TAFA1: variants seen among roughly 807,000 people sequenced by gnomAD.
TAFA1 encodes TAFA chemokine like family member 1, also known as chemokine-like protein TAFA-1.
A neutral mutation model predicts 18.5 loss-of-function variants in TAFA1; 4 were observed. The ratio of observed to expected loss-of-function variants is 0.22; its 90% CI spans 0.11 to 0.49. TAFA1 has a LOEUF of 0.49. Among genes scored for constraint, TAFA1 ranks in the 20% least tolerant of loss-of-function variants. The pLI is 0.98. For missense variants in TAFA1, 147 were observed against 169.0 expected, an observed-to-expected ratio of 0.87 and a Z score of 0.72; for synonymous variants, 56 against 55.2, an observed-to-expected ratio of 1.01 and a Z score of -0.06.
chr3:68,415,798 A>T (rs2070823914), intron 2 of TAFA1, among the ~76,000 whole-genome samples: 1 of 152,152 alleles, frequency 6.6e-6, no homozygotes, highest in Non-Finnish European at 1.5e-5. Context: ...CAGATGAGGA[A>T]ACTAAGGCAT....
At chr3:68,397,315 C>T (rs1178356538) in intron 2 of TAFA1, among the ~76,000 whole-genome samples, 1 of 152,092 alleles carries the variant, frequency 6.6e-6, no homozygotes, top group Non-Finnish European at 1.5e-5. Flanking sequence ...TCCCCTTGCC[C>T]CCTACCCGCC....
At chr3:68,457,541 GC>G in intron 3 of TAFA1, among the ~76,000 whole-genome samples, 1 of 152,112 alleles carries the variant, frequency 6.6e-6, no homozygotes. Flanking sequence ...TTGCTCAAGG[GC>G]CAACTGTATA....
chr3:68,398,103 G>GT (rs2070419225), intron 2 of TAFA1, among the ~76,000 whole-genome samples: 1 of 152,014 alleles, frequency 6.6e-6, no homozygotes, highest in Admixed American at 6.6e-5. Context: ...AAAAGAGCCC[G>GT]TATAGCCAAG....
intron 3 of TAFA1, among the ~76,000 whole-genome samples, chr3:68,457,558 TACA>T (rs1488876320): frequency 1.3e-5 from 2 of 152,108 alleles, no homozygotes; most frequent in African/African-American, 2.4e-5. Context: ...GTATATCAAC[TACA>T]ACATGTTGTT....
chr3:68,254,608 G>A (rs1376684285), intron 2 of TAFA1, among the ~76,000 whole-genome samples: 11 of 152,018 alleles, frequency 7.2e-5, no homozygotes, highest in African/African-American at 2.7e-4. Context: ...AAGACATGCT[G>A]TGATGCCAAG....
intron 2 of TAFA1, among the ~76,000 whole-genome samples, chr3:68,310,254 A>T (rs1040834470): frequency 2.0e-5 from 3 of 152,190 alleles, no homozygotes; most frequent in Non-Finnish European, 4.4e-5. Flanking sequence ...TCTAGTAGGA[A>T]TGGAGATCTT....
At position 68,507,392 on chromosome 3, in the gene TAFA1, G is replaced by GA. The variant is rs1158281390; in HGVS notation, c.260-31358dup. On this transcript the variant is annotated intron_variant, in intron 3 of 4. Coordinates refer to ENST00000478136, the MANE Select transcript of TAFA1 (RefSeq NM_213609.4). ...TATTAAAATATTATTTATTTATATG[G>GA]AAAAAATGAAATATATTATTATGCT... Among the ~76,000 whole-genome samples, 23 of 151,986 alleles carry GA rather than the reference G, an allele frequency of 1.5e-4. 1 individual carries two copies. The South Asian group carries it at 4.4e-3, about 29-fold the overall frequency.
At chr3:68,185,510 A>G (rs757028422) in intron 2 of TAFA1, among the ~76,000 whole-genome samples, 13 of 152,146 alleles carry the variant, frequency 8.5e-5, no homozygotes, top group Non-Finnish European at 1.9e-4. Context: ...TTGTTGCATT[A>G]AATCTATTCA....
intron 2 of TAFA1, among the ~76,000 whole-genome samples, chr3:68,312,096 C>G (rs2068531231): frequency 6.6e-6 from 1 of 152,208 alleles, no homozygotes; most frequent in Non-Finnish European, 1.5e-5. Flanking sequence ...ACGTTGACCC[C>G]TTTCAGCCAT....
At chr3:68,252,403 A>T (rs1391509120) in intron 2 of TAFA1, among the ~76,000 whole-genome samples, 1 of 152,088 alleles carries the variant, frequency 6.6e-6, no homozygotes, top group Non-Finnish European at 1.5e-5. Context: ...TGCTATTCTT[A>T]AAAAAATTAC....
At chr3:68,433,084 C>T (rs1335237947) in intron 3 of TAFA1, among the ~76,000 whole-genome samples, 3 of 152,070 alleles carry the variant, frequency 2.0e-5, no homozygotes, top group South Asian at 4.1e-4. Context: ...CTCAAAGACA[C>T]CTCAAATTCA....
intron 2 of TAFA1, among the ~76,000 whole-genome samples, chr3:68,395,730 C>G (rs1001885496): frequency 6.6e-6 from 1 of 152,148 alleles, no homozygotes; most frequent in Non-Finnish European, 1.5e-5. Flanking sequence ...ACTGCATATT[C>G]TCACTCATAA....
intron 2 of TAFA1, among the ~76,000 whole-genome samples, chr3:68,215,021 A>G (rs1487267750): frequency 1.3e-5 from 2 of 152,022 alleles, no homozygotes; most frequent in Non-Finnish European, 2.9e-5. Context: ...GCATTATTTA[A>G]TCATATCAAT....
intron 2 of TAFA1, among the ~76,000 whole-genome samples, chr3:68,054,658 A>G (rs928382105): frequency 6.6e-6 from 1 of 152,188 alleles, no homozygotes; most frequent in African/African-American, 2.4e-5. Flanking sequence ...TCACACTACA[A>G]CAGCAGAGGT....
chr3:68,138,205 T>C (rs531638636), intron 2 of TAFA1, among the ~76,000 whole-genome samples: 2 of 152,238 alleles, frequency 1.3e-5, no homozygotes, highest in South Asian at 2.1e-4. Flanking sequence ...CTCTCTGGAG[T>C]TGAGCAGAGC....
intron 2 of TAFA1, among the ~76,000 whole-genome samples, chr3:68,313,114 G>T (rs1464367464): frequency 6.6e-6 from 1 of 152,100 alleles, no homozygotes; most frequent in Non-Finnish European, 1.5e-5. Context: ...TTCCCACATG[G>T]TCCTCCCACA....
intron 2 of TAFA1, among the ~76,000 whole-genome samples, chr3:68,244,899 C>T (rs115219245): frequency 2.3e-3 from 356 of 152,186 alleles, no homozygotes; most frequent in Non-Finnish European, 4.4e-3. Context: ...AAGTGATTTG[C>T]CCAAAGTCAT....
intron 2 of TAFA1, among the ~76,000 whole-genome samples, chr3:68,174,107 T>C (rs545109831): frequency 3.3e-5 from 5 of 152,336 alleles, no homozygotes; most frequent in African/African-American, 1.2e-4. Flanking sequence ...ATTCCAGATC[T>C]ACAGAATCAA....
At chr3:68,420,056 A>T (rs1198525212) in intron 3 of TAFA1, among the ~76,000 whole-genome samples, 1 of 152,090 alleles carries the variant, frequency 6.6e-6, no homozygotes, top group African/African-American at 2.4e-5. Context: ...ACTGATTCTA[A>T]TCTCTCTCAG....
Sources: gnomAD v4.1 joint callset for allele counts (sites outside exome capture counted in the v4.1 genomes callset) on GRCh38, gnomAD v4.1.1 for gene constraint, MANE v1.5 for transcripts, NCBI Gene and HGNC (gene_info 2026-07-23, HGNC 2026-07-21) for gene names.